Variants in AEBP2 observed in about 807,000 individuals in gnomAD.
AEBP2 encodes zinc finger protein AEBP2.
In AEBP2, 10 loss-of-function variants were observed where a neutral mutation model predicts 50.8. The ratio of observed to expected loss-of-function variants is 0.20; its 90% CI spans 0.12 to 0.33. The LOEUF (loss-of-function observed/expected upper bound fraction) is 0.33. AEBP2 is among the 10% of genes least tolerant of loss of function. The pLI is 1.00. For missense variants in AEBP2, 570 were observed against 688.0 expected, an observed-to-expected ratio of 0.83 and a Z score of 1.92; for synonymous variants, 296 against 261.3, an observed-to-expected ratio of 1.13 and a Z score of -1.28.
chr12:19,454,137 G>A (rs535723166), intron 1 of AEBP2, among the ~76,000 whole-genome samples: 2 of 152,122 alleles, frequency 1.3e-5, no homozygotes, highest in East Asian at 1.9e-4. Flanking sequence ...GCCGTTCGCC[G>A]CCTCTGCCTC....
intron 1 of AEBP2, among the ~76,000 whole-genome samples, chr12:19,424,482 T>C (rs1394740382): frequency 2.0e-5 from 3 of 151,904 alleles, no homozygotes; most frequent in African/African-American, 7.2e-5. Context: ...CTGCAAGCTC[T>C]GCCTCCCGGG....
At chr12:19,481,291 C>T (rs535283669) in intron 3 of AEBP2, among the ~76,000 whole-genome samples, 20 of 151,080 alleles carry the variant, frequency 1.3e-4, no homozygotes, top group African/African-American at 4.6e-4. Flanking sequence ...TTAGTAGAGG[C>T]AGGGTTTCAT....
intron 1 of AEBP2, among the ~76,000 whole-genome samples, chr12:19,455,424 A>G (rs981186066): frequency 2.0e-5 from 3 of 152,186 alleles, no homozygotes; most frequent in Non-Finnish European, 4.4e-5. Context: ...AACTTTTCTC[A>G]GTTACTTTAA....
At chr12:19,408,357 G>C (rs1229869366) in intron 1 of AEBP2, among the ~76,000 whole-genome samples, 2 of 151,766 alleles carry the variant, frequency 1.3e-5, no homozygotes, top group East Asian at 3.9e-4. Flanking sequence ...AGGAGTTCGA[G>C]ACCAGCCTGG....
At chr12:19,494,119 AGT>A in intron 4 of AEBP2, 133 bp downstream of exon 4, 4 of 942,208 alleles carry the variant, frequency 4.2e-6, no homozygotes, top group Non-Finnish European at 6.2e-6. Flanking sequence ...CCTGTCTGTC[AGT>A]GAGAGTGAGA....
intron 5 of AEBP2, among the ~76,000 whole-genome samples, chr12:19,511,076 A>T (rs970116297): frequency 1.3e-5 from 2 of 151,890 alleles, no homozygotes; most frequent in African/African-American, 4.8e-5. Context: ...GGCTCAGGTG[A>T]TCCTCCCACC....
intron 1 of AEBP2, chr12:19,456,289 C>G: frequency 2.6e-6 from 4 of 1,524,684 alleles, no homozygotes; most frequent in Non-Finnish European, 3.6e-6. Flanking sequence ...GTGACCTTGC[C>G]AGCTCCAGCA....
chr12:19,475,144 A>G (rs2153372696), intron 3 of AEBP2, among the ~76,000 whole-genome samples: 1 of 148,818 alleles, frequency 6.7e-6, no homozygotes, highest in East Asian at 2.0e-4. Flanking sequence ...CTTAGTGGTG[A>G]TTTCTGAGAT....
rs1491156869 is a variant in AEBP2 at position 19,485,968 on chromosome 12, T to TC, written c.988-7831dup. Among the ~76,000 whole-genome samples, 9 of 132,954 alleles carry TC rather than the reference T, an allele frequency of 6.8e-5. No homozygotes were observed. In the South Asian group the frequency reaches 1.2e-3, roughly 17 times the overall value. The allele number at this position is 132,954 out of a possible 152,430, so 87.2% of individuals were successfully genotyped here. A position where few individuals can be genotyped will look rare whatever the true frequency, so the allele number is the denominator to read the frequency against. ...CTCTGCTTTTTTTTTTTTTTTTTTT[T>TC]CATTTTGTTTGAAGGTCTGATATAA... On this transcript the variant is annotated intron_variant, in intron 3 of 7. Transcript: ENST00000266508.
intron 3 of AEBP2, among the ~76,000 whole-genome samples, chr12:19,478,022 G>C (rs1205119323): frequency 6.6e-6 from 1 of 152,134 alleles, no homozygotes; most frequent in Admixed American, 6.5e-5. Flanking sequence ...CTGTGGTATT[G>C]GTTGTAATAT....
chr12:19,504,203 G>A (rs1371713753), intron 5 of AEBP2, among the ~76,000 whole-genome samples: 3 of 151,086 alleles, frequency 2.0e-5, no homozygotes, highest in South Asian at 2.1e-4. Flanking sequence ...AACTAAAAAG[G>A]TTGTATTGTC....
At chr12:19,468,137 T>TGTGTGTGTGTGTGC (rs1213305909) in intron 2 of AEBP2, among the ~76,000 whole-genome samples, 3 of 136,410 alleles carry the variant, frequency 2.2e-5, no homozygotes, top group Non-Finnish European at 4.5e-5. Flanking sequence ...TGTGTGTGTG[T>TGTGTGTGTGTGTGC]GTGTGTGTGT....
At chr12:19,477,246 G>T (rs960053084) in intron 3 of AEBP2, among the ~76,000 whole-genome samples, 5 of 152,124 alleles carry the variant, frequency 3.3e-5, no homozygotes, top group Non-Finnish European at 5.9e-5. Context: ...CATATCGTCA[G>T]CAAACAGCGA....
intron 1 of AEBP2, among the ~76,000 whole-genome samples, chr12:19,425,767 CCATCT>C (rs1296444825): frequency 2.2e-5 from 3 of 139,416 alleles, no homozygotes; most frequent in Non-Finnish European, 4.6e-5. Flanking sequence ...GAGTGAGACT[CCATCT>C]CAAAAAAAAA....
chr12:19,450,558 G>A (rs1407910627), intron 1 of AEBP2, among the ~76,000 whole-genome samples: 3 of 142,710 alleles, frequency 2.1e-5, no homozygotes, highest in Admixed American at 1.5e-4. Flanking sequence ...AGCCTGGCAC[G>A]GTGACTCATG....
At chr12:19,487,609 T>C (rs1169181672) in intron 3 of AEBP2, among the ~76,000 whole-genome samples, 1 of 152,018 alleles carries the variant, frequency 6.6e-6, no homozygotes, top group Non-Finnish European at 1.5e-5. Flanking sequence ...TCTCAGGTAC[T>C]TGGGAGGCTG....
In AEBP2 at chr12:19,514,689, G is replaced by A; in HGVS notation, c.1386G>A (p.Val462=). 1 of 1,607,956 alleles carries A rather than the reference G, an allele frequency of 6.2e-7. No individual in the cohort carries two copies. The change falls in exon 7 of 8, where the codon GTG becomes GTA. Residue 462 remains valine (V), a synonymous_variant. Coordinates refer to ENST00000266508, the MANE Select transcript of AEBP2 (RefSeq NM_153207.5). ...MPEDILPDVW[V]NESERHQLKT... is the part of the protein sequence containing the mutation. ...TTCATAGTCTGCCTGATGTGTGGGT[G>A]AATGAAAGTGAACGACATCAGTTAA...
intron 7 of AEBP2, among the ~76,000 whole-genome samples, chr12:19,515,286 T>C (rs1204298306): frequency 6.6e-6 from 1 of 152,204 alleles, no homozygotes; most frequent in African/African-American, 2.4e-5. Flanking sequence ...GTGCTGTGCT[T>C]ATGAAGGTAT....
chr12:19,420,021 G>GTT lies in AEBP2; in HGVS notation c.-17+15823_-17+15824dup, dbSNP rs569003269. 6.8e-3 allele frequency among the ~76,000 whole-genome samples: 872 copies of GTT among 128,852 alleles called. 11 individuals carry two copies. Among genetic ancestry groups the GTT allele is most frequent in the African/African-American group, 0.023 (790 of 35,068 alleles). The allele number at this position is 128,852 out of a possible 152,430, so 84.5% of individuals were successfully genotyped here. ...CAATAATTTCAAGTGTGCATTAATA[G>GTT]TTTTTTTTTTTTTTTTTTTGAGATG... On this transcript the variant is annotated intron_variant, in intron 1 of 3. Transcript: ENST00000538425.
Sources: gnomAD v4.1 joint callset for allele counts (sites outside exome capture counted in the v4.1 genomes callset) on GRCh38, gnomAD v4.1.1 for gene constraint, MANE v1.5 for transcripts, NCBI Gene and HGNC (gene_info 2026-07-23, HGNC 2026-07-21) for gene names.